TEX11: variants seen among roughly 807,000 people sequenced by gnomAD.
The protein encoded by TEX11 is testis expressed 11.
In TEX11, 7 loss-of-function variants were observed where a neutral mutation model predicts 84.4. The ratio of observed to expected loss-of-function variants is 0.08; its 90% CI spans 0.05 to 0.16. TEX11 has a LOEUF of 0.16. Ranked by LOEUF, TEX11 falls within the 10% of genes least tolerant of loss-of-function variation. The probability of loss-of-function intolerance (pLI) is 1.00; values close to 1 mark genes in which losing one functional copy is unlikely to be tolerated. For missense variants in TEX11, 551 were observed against 660.5 expected, an observed-to-expected ratio of 0.83 and a Z score of 1.82; for synonymous variants, 264 against 222.8, an observed-to-expected ratio of 1.18 and a Z score of -1.64.
chrX:70,694,526 C>T (rs1240557626), intron 13 of TEX11, among the ~76,000 whole-genome samples: 3 of 111,779 alleles, frequency 2.7e-5, no homozygotes, highest in Non-Finnish European at 5.6e-5. Context: ...AGACATCATA[C>T]CTATTTAAAA....
At chrX:70,874,657 C>T (rs902251574) in intron 3 of TEX11, among the ~76,000 whole-genome samples, 10 of 108,329 alleles carry the variant, frequency 9.2e-5, no homozygotes, top group African/African-American at 3.0e-4. Context: ...CCGCCTCAAC[C>T]TCCCAAAGTG....
intron 8 of TEX11, among the ~76,000 whole-genome samples, chrX:70,815,541 T>C (rs1462023609): frequency 8.9e-6 from 1 of 111,874 alleles, no homozygotes; most frequent in Admixed American, 9.6e-5. Context: ...TATAGGATAT[T>C]GTTATAATTA....
intron 16 of TEX11, among the ~76,000 whole-genome samples, chrX:70,653,413 A>G (rs1487610546): frequency 8.9e-6 from 1 of 112,596 alleles, no homozygotes; most frequent in Admixed American, 9.4e-5. Context: ...TAAAATATGC[A>G]GATGGCAAAT....
rs778510121 is a variant in TEX11 at position 70,544,331 on chromosome X, C to T, written c.2520+7795G>A. On this transcript the variant is annotated intron_variant, in intron 28 of 29. Transcript: ENST00000374333. The stretch of plus-strand genomic sequence containing the variant: ...TACTTGAACCTGAGTTTGAGACCAG[C>T]CTGGGCAACATGGTGAAACCCTGTC... 6.3e-5 allele frequency among the ~76,000 whole-genome samples: 7 copies of T among 111,104 alleles called. No individual in the cohort carries two copies. The South Asian group carries it at 2.3e-3, about 37-fold the overall frequency.
In TEX11 at chrX:70,807,318, TAGTCA is replaced by T. The variant is rs1275279143; in HGVS notation, c.607-533_607-529del. On this transcript the variant is annotated intron_variant, in intron 8 of 29. Coordinates refer to ENST00000374333, the MANE Select transcript of TEX11 (RefSeq NM_031276.3). ...TCTAAAATGTGTCCAAAGCACTATCTAGTCAAAAGACGTATTTAGAAATAGTTTCA... is the reference window on the plus strand; with the variant it reads ...TCTAAAATGTGTCCAAAGCACTATCTAAAGACGTATTTAGAAATAGTTTCA... Among the ~76,000 whole-genome samples the T allele has an allele frequency of 2.7e-5, 3 of 112,045 alleles. No homozygotes were observed. The East Asian group carries it at 8.3e-4, about 31-fold the overall frequency.
intron 16 of TEX11, among the ~76,000 whole-genome samples, chrX:70,665,245 G>C (rs2089967285): frequency 9.0e-6 from 1 of 111,131 alleles, no homozygotes; most frequent in Non-Finnish European, 1.9e-5. Flanking sequence ...AACTTACACA[G>C]ACTATCACCA....
chrX:70,715,728 C>T (rs2090492488), intron 13 of TEX11, among the ~76,000 whole-genome samples: 5 of 111,563 alleles, frequency 4.5e-5, no homozygotes, highest in South Asian at 3.8e-4. Context: ...TCTTTGTCTT[C>T]GGTTTGAACT....
chrX:70,750,636 T>C (rs1396128753), intron 9 of TEX11, among the ~76,000 whole-genome samples: 1 of 100,909 alleles, frequency 9.9e-6, no homozygotes. Context: ...ATGGATGAAA[T>C]TGGAAATCAT....
intron 13 of TEX11, among the ~76,000 whole-genome samples, chrX:70,695,721 A>T (rs1351387925): frequency 8.9e-6 from 1 of 111,934 alleles, no homozygotes; most frequent in African/African-American, 3.2e-5. Flanking sequence ...GCCAGCTAGA[A>T]TTATCATTAT....
chrX:70,577,382 C>T (rs1161948115), intron 25 of TEX11, among the ~76,000 whole-genome samples: 1 of 111,487 alleles, frequency 9.0e-6, no homozygotes, highest in East Asian at 2.8e-4. Flanking sequence ...ATTAAGTAGT[C>T]ATCTCTATAA....
intron 8 of TEX11, among the ~76,000 whole-genome samples, chrX:70,816,566 G>T (rs1485791552): frequency 1.8e-5 from 2 of 110,137 alleles, no homozygotes; most frequent in Admixed American, 2.0e-4. Context: ...ACAAAAATTA[G>T]CCAGGCACAA....
intron 9 of TEX11, among the ~76,000 whole-genome samples, chrX:70,749,997 G>C (rs1333371960): frequency 1.8e-5 from 2 of 110,665 alleles, no homozygotes; most frequent in Non-Finnish European, 3.8e-5. Flanking sequence ...CCTACAAAAT[G>C]GGAGAAAATT....
chrX:70,514,081 G>A, the TEX11 span, among the ~76,000 whole-genome samples: 88 of 109,151 alleles, frequency 8.1e-4, no homozygotes, highest in Admixed American at 2.6e-3. Context: ...ACCTCATATG[G>A]TTCAACTTAA....
chrX:70,583,827 A>G (rs918167281), intron 25 of TEX11, among the ~76,000 whole-genome samples: 5 of 111,832 alleles, frequency 4.5e-5, no homozygotes, highest in African/African-American at 1.6e-4. Context: ...AACAGTGTGA[A>G]GATTTCTCAA....
At chrX:70,566,634 T>A (rs78022116) in intron 25 of TEX11, among the ~76,000 whole-genome samples, 8,903 of 110,904 alleles carry the variant, frequency 0.08, 847 homozygotes, top group African/African-American at 0.26. Context: ...ATTTTGTCAA[T>A]GGCCTTTTCT....
chrX:70,833,462 A>G, intron 8 of TEX11, 51 bp downstream of exon 8: 1 of 1,026,739 alleles, frequency 9.7e-7, no homozygotes, highest in South Asian at 1.9e-5. Context: ...TTCTTCCTGG[A>G]ACTTGATATA....
chrX:70,834,604 CAAACAAAACA>C (rs368129710), intron 7 of TEX11, among the ~76,000 whole-genome samples: 32 of 108,666 alleles, frequency 2.9e-4, no homozygotes, highest in East Asian at 1.2e-3. Context: ...AAAAAACAAA[CAAACAAAACA>C]AAACAAAACA....
intron 20 of TEX11, among the ~76,000 whole-genome samples, chrX:70,613,965 G>T (rs1385280983): frequency 3.6e-5 from 4 of 111,049 alleles, no homozygotes; most frequent in Admixed American, 9.5e-5. Flanking sequence ...TTGCCTTGAA[G>T]GGAAGGACCC....
intron 16 of TEX11, among the ~76,000 whole-genome samples, chrX:70,665,663 G>A (rs960915169): frequency 1.6e-4 from 18 of 111,998 alleles, no homozygotes; most frequent in Non-Finnish European, 3.0e-4. Context: ...CCAAGTGTGC[G>A]AGCTAATGAA....
Sources: allele counts gnomAD v4.1 joint callset (sites outside exome capture counted in the v4.1 genomes callset), GRCh38; gene constraint gnomAD v4.1.1; transcripts MANE v1.5; gene names NCBI Gene and HGNC (gene_info 2026-07-23, HGNC 2026-07-21).